The following MARVELD2 variants were observed in gnomAD, a reference collection of about 807,000 sequenced individuals.
MARVELD2 encodes MARVEL domain-containing protein 2.
A neutral mutation model predicts 57.6 loss-of-function variants in MARVELD2; 49 were observed. That is an observed-to-expected ratio of 0.85 (90% confidence interval 0.68 to 1.08). MARVELD2 has a LOEUF of 1.08. Ranked by LOEUF, MARVELD2 falls within the 50% of genes least tolerant of loss-of-function variation. The pLI, the probability that MARVELD2 is intolerant of heterozygous loss-of-function variation, is 0.00. For synonymous variants in MARVELD2, 238 were observed against 258.8 expected, an observed-to-expected ratio of 0.92 and a Z score of 0.77; for missense variants, 606 against 701.1, an observed-to-expected ratio of 0.86 and a Z score of 1.53.
intron 5 of MARVELD2, among the ~76,000 whole-genome samples, chr5:69,437,540 C>T (rs542891278): frequency 6.6e-6 from 1 of 151,538 alleles, no homozygotes; most frequent in East Asian, 1.9e-4. Flanking sequence ...AAAAATTAGC[C>T]GAGCATGGTG....
chr5:69,418,252 T>G (rs1766490713), intron 1 of MARVELD2, among the ~76,000 whole-genome samples: 2 of 152,188 alleles, frequency 1.3e-5, no homozygotes, highest in South Asian at 2.1e-4. Flanking sequence ...TGAAAAAATT[T>G]TTTTAAGTCT....
intron 6 of MARVELD2, among the ~76,000 whole-genome samples, chr5:69,440,948 G>T (rs1767309008): frequency 6.6e-6 from 1 of 152,094 alleles, no homozygotes; most frequent in Non-Finnish European, 1.5e-5. Flanking sequence ...GCCGGTAGTG[G>T]TGGCACACGC....
chr5:69,438,834 C>T (rs1331776201), intron 5 of MARVELD2, among the ~76,000 whole-genome samples: 3 of 151,474 alleles, frequency 2.0e-5, no homozygotes, highest in East Asian at 1.9e-4. Context: ...TGCAGTGAGC[C>T]GAGATCGCAC....
chr5:69,432,942 C>A lies in MARVELD2; in HGVS notation c.1352C>A (p.Thr451Lys). The A allele has an allele frequency of 6.2e-7, 1 of 1,614,176 alleles. No homozygotes were observed. The highest frequency in any genetic ancestry group is 8.5e-7 in the Non-Finnish European group (1 of 1,180,040). Residue 451 changes from threonine (T) to lysine (K), a missense_variant, in exon 5 of 7, where the codon ACA (threonine) becomes AAA (lysine). By Grantham distance (78) the Thr-to-Lys change is moderately conservative. Transcript: ENST00000325631. Reference sequence around the variant, plus strand: ...CCTAGAAAATACCCTGTGATTCAGACAGATGATGAGCGAGAACGCTATAAA... The same window carrying A: ...CCTAGAAAATACCCTGTGATTCAGAAAGATGATGAGCGAGAACGCTATAAA... ...DYVAKYPVIQTDDERERYKAV... is the reference protein window; with the variant it reads ...DYVAKYPVIQKDDERERYKAV...
At chr5:69,425,221 T>A (rs1362675842) in intron 3 of MARVELD2, among the ~76,000 whole-genome samples, 4 of 135,624 alleles carry the variant, frequency 2.9e-5, no homozygotes, top group African/African-American at 1.1e-4. Flanking sequence ...AGGAAGGGGA[T>A]TATCACACTC....
intron 3 of MARVELD2, among the ~76,000 whole-genome samples, chr5:69,425,720 T>C (rs1413384750): frequency 6.7e-6 from 1 of 148,984 alleles, no homozygotes; most frequent in African/African-American, 2.4e-5. Context: ...AAAAAAGAAA[T>C]TAATAATAAT....
At chr5:69,434,671 T>G (rs1767077629) in intron 5 of MARVELD2, among the ~76,000 whole-genome samples, 1 of 152,162 alleles carries the variant, frequency 6.6e-6, no homozygotes, top group South Asian at 2.1e-4. Context: ...GAATGCCTTA[T>G]AACCTGTGCC....
At chr5:69,436,484 G>A (rs1301795877) in intron 5 of MARVELD2, among the ~76,000 whole-genome samples, 2 of 150,426 alleles carry the variant, frequency 1.3e-5, no homozygotes, top group African/African-American at 4.9e-5. Flanking sequence ...GAGAAGTTAG[G>A]TGTCTTTGTT....
intron 4 of MARVELD2, 70 bp from the exon 5 acceptor site, chr5:69,432,852 G>C: frequency 2.5e-6 from 4 of 1,584,196 alleles, no homozygotes; most frequent in Non-Finnish European, 3.5e-6. Flanking sequence ...TAAGGAATAA[G>C]ATAAGCTGAT....
intron 5 of MARVELD2, among the ~76,000 whole-genome samples, chr5:69,437,611 G>C (rs2150932014): frequency 6.6e-6 from 1 of 151,882 alleles, no homozygotes; most frequent in East Asian, 1.9e-4. Flanking sequence ...TTGAACCTGG[G>C]AGGCGGAGGT....
intron 1 of MARVELD2, among the ~76,000 whole-genome samples, chr5:69,416,945 C>T (rs299087): frequency 0.49 from 75,221 of 151,974 alleles, 18,672 homozygotes; most frequent in South Asian, 0.53. Context: ...GGCTTCTCAT[C>T]TCACTCCTAG....
chr5:69,434,629 T>G (rs946149836), intron 5 of MARVELD2, among the ~76,000 whole-genome samples: 1 of 152,168 alleles, frequency 6.6e-6, no homozygotes, highest in African/African-American at 2.4e-5. Flanking sequence ...CCCCCACATT[T>G]TTCACATTTT....
chr5:69,440,436 T>G lies in MARVELD2; in HGVS notation c.1504-14T>G, dbSNP rs201380573. The G allele has an allele frequency of 6.5e-6, 8 of 1,234,664 alleles. No individual in the cohort carries two copies. Among genetic ancestry groups the G allele is most frequent in the African/African-American group, 4.4e-5 (3 of 67,742 alleles). The allele number at this position is 1,234,664 out of a possible 1,614,324, so 76.5% of individuals were successfully genotyped here. On this transcript the variant is annotated splice_polypyrimidine_tract_variant and intron_variant, in intron 5 of 6. Transcript: ENST00000325631. ...CAAATGTTTTAACTTAAGTATACAA[T>G]GTATTATTTTTAGGAACATGAGAGA...
chr5:69,419,165 A>T, intron 1 of MARVELD2: 1 of 613,248 alleles, frequency 1.6e-6, no homozygotes, highest in Non-Finnish European at 2.9e-6. Flanking sequence ...ACCTGAAATG[A>T]TCCGTCTGTC....
At chr5:69,435,153 A>G (rs368036570) in intron 5 of MARVELD2, among the ~76,000 whole-genome samples, 6 of 150,044 alleles carry the variant, frequency 4.0e-5, no homozygotes, top group African/African-American at 1.5e-4. Flanking sequence ...TCCTGAGTAG[A>G]TGGGACTATA....
At chr5:69,416,937 C>T (rs1312622550) in intron 1 of MARVELD2, among the ~76,000 whole-genome samples, 1 of 152,130 alleles carries the variant, frequency 6.6e-6, no homozygotes, top group Non-Finnish European at 1.5e-5. Flanking sequence ...CCTCCAGTGG[C>T]TTCTCATCTC....
chr5:69,432,737 A>G (rs773554957), intron 4 of MARVELD2, 62 bp downstream of exon 4: 7 of 1,609,852 alleles, frequency 4.3e-6, no homozygotes, highest in Non-Finnish European at 6.0e-6. Context: ...TGGTCCTTTC[A>G]TTTTCCAGTT....
At chr5:69,417,795 C>T (rs374293854) in intron 1 of MARVELD2, among the ~76,000 whole-genome samples, 30 of 152,080 alleles carry the variant, frequency 2.0e-4, no homozygotes, top group Middle Eastern at 3.4e-3. Flanking sequence ...AAAAATTAGC[C>T]GGGCGTGGTG....
In MARVELD2 at chr5:69,431,349, G is replaced by A. The variant is rs138348916; in HGVS notation, c.1183-1178G>A. Among the ~76,000 whole-genome samples, 21 of 151,440 alleles carry A rather than the reference G, an allele frequency of 1.4e-4. No homozygotes were observed. The East Asian group carries it at 3.7e-3, about 27-fold the overall frequency. ...AGGCTGGTCTCGAACACCTGACCTC[G>A]TGATCCACCGACCTCGGCCTCCCAA... On this transcript the variant is annotated intron_variant, in intron 3 of 6. Coordinates refer to ENST00000325631, the MANE Select transcript of MARVELD2 (RefSeq NM_001038603.3).
Sources: gnomAD v4.1 joint callset for allele counts (sites outside exome capture counted in the v4.1 genomes callset) on GRCh38, gnomAD v4.1.1 for gene constraint, MANE v1.5 for transcripts, NCBI Gene and HGNC (gene_info 2026-07-23, HGNC 2026-07-21) for gene names.